POM121L2: variants seen among roughly 807,000 people sequenced by gnomAD.
POM121L2 encodes POM121-like protein 2.
For synonymous variants in POM121L2, 459 were observed against 483.8 expected (o/e 0.95, Z 0.67); for missense variants, 1,167 against 1,260.3 (o/e 0.93, Z 1.12).
Position 27,310,145 on chromosome 6 carries a change from C to T in POM121L2, c.2026G>A (p.Asp676Asn), listed in dbSNP as rs900745135. 89 of 1,551,850 alleles carry T rather than the reference C, an allele frequency of 5.7e-5. No homozygotes were observed. The highest frequency in any genetic ancestry group is 3.3e-4 in the Middle Eastern group (2 of 5,992). The change falls in exon 1 of 1, where the codon GAC becomes AAC. Residue 676 changes from aspartate to asparagine, a missense_variant. Physicochemically the swap from Asp to Asn is conservative, Grantham distance 23. Transcript: ENST00000444565. ...ATGAATCCTGTGGCTGGGGTGAAGT[C>T]GGCCCTGAAGGCCTGAGCAGTCCCA... ...LLGTAQAFRA[D>N]FTPATGFIFP...
At position 27,310,390 on chromosome 6, in the gene POM121L2, G is replaced by A; in HGVS notation, c.1781C>T (p.Ala594Val). ...AGGGGTCTGCTTGGAGGAGAAAGGA[G>A]CTATCATGGGCGTAGTTTTAAGTGG... ...IDPLKTTPMI[A>V]PFSSKQTPPP... The change falls in exon 1 of 1, where the codon GCT becomes GTT. Residue 594 changes from alanine to valine, a missense_variant. Physicochemically the swap from Ala to Val is moderately conservative, Grantham distance 64. Coordinates refer to ENST00000444565, the MANE Select transcript of POM121L2 (RefSeq NM_033482.4). The A allele has an allele frequency of 2.6e-6, 4 of 1,552,132 alleles. No homozygotes were observed. Among genetic ancestry groups the A allele is most frequent in the Non-Finnish European group, 3.5e-6 (4 of 1,147,088 alleles).
rs1760719164 is a variant in POM121L2 at position 27,309,810 on chromosome 6, G to A, written c.2361C>T (p.Ser787=). Residue 787 remains serine, a synonymous_variant, in exon 1 of 1, where the codon TCC becomes TCT. Transcript: ENST00000444565. ...TGACACTTGGCATAAGGGCTGGCTG[G>A]GAAGGCCCTTGTTTCTGTCCATTTG... ...GATNGQKQGP[S]QPALMPSVSS... is the part of the protein sequence containing the mutation. The A allele has an allele frequency of 6.4e-7, 1 of 1,551,630 alleles. No individual in the cohort carries two copies. The highest frequency in any genetic ancestry group is 1.4e-5 in the African/African-American group (1 of 73,056).
Position 27,311,228 on chromosome 6 carries a change from C to T in POM121L2, c.943G>A (p.Gly315Arg). The T allele has an allele frequency of 6.4e-7, 1 of 1,551,850 alleles. No homozygotes were observed. The highest frequency in any genetic ancestry group is 2.0e-5 in the Admixed American group (1 of 50,996). ...FESLGGSESS[G>R]QQNQKIPQLP... ...TGTGGAATCTTCTGGTTTTGCTGCC[C>T]AGAACTTTCAGATCCTCCTAGGGAC... The change falls in exon 1 of 1, where the codon GGG becomes AGG. Residue 315 changes from glycine (G) to arginine (R), a missense_variant. Coordinates refer to ENST00000444565, the MANE Select transcript of POM121L2 (RefSeq NM_033482.4).
upstream of POM121L2, chr6:27,312,110 CG>C (rs1760756322): frequency 6.8e-7 from 1 of 1,472,702 alleles, no homozygotes; most frequent in African/African-American, 1.4e-5. The surrounding 1 kb of genome is among the most constrained non-coding windows in gnomAD (Gnocchi z 6.7). Context: ...TCGGGCAAGT[CG>C]GTGCGCACCT....
In POM121L2 at chr6:27,311,907, G is replaced by A; in HGVS notation, c.264C>T (p.Pro88=). 1.3e-6 allele frequency: 2 copies of A among 1,551,704 alleles called. No individual in the cohort carries two copies. Among genetic ancestry groups the A allele is most frequent in the Non-Finnish European group, 1.7e-6 (2 of 1,147,010 alleles). ...RFPMKKSQNS[P]LGPLPSDWWE... The stretch of plus-strand genomic sequence containing the variant: ...ACCAGTCTGAAGGGAGAGGCCCCAG[G>A]GGGGAATTCTGGGACTTCTTCATGG... The change falls in exon 1 of 1, where the codon CCC becomes CCT. Residue 88 remains proline, a synonymous_variant. Coordinates refer to ENST00000444565, the MANE Select transcript of POM121L2 (RefSeq NM_033482.4).
At position 27,311,074 on chromosome 6, in the gene POM121L2, T is replaced by A; in HGVS notation, c.1097A>T (p.Asp366Val). The A allele has an allele frequency of 6.4e-7, 1 of 1,551,978 alleles. No homozygotes were observed. The change falls in exon 1 of 1, where the codon GAT becomes GTT. Residue 366 changes from aspartate (D) to valine (V), a missense_variant. Asp to Val is a radical substitution (Grantham distance 152, BLOSUM62 -3). Transcript: ENST00000444565. ...AGGGTCTGTGTTGACCTCAGTTGTA[T>A]CTTCTCCTGCGTTGTTGCTTACCTG... ...ELQVSNNAGE[D>V]TTEVNTDPFP...
In POM121L2 at chr6:27,309,082, T is replaced by A; in HGVS notation, c.3089A>T (p.His1030Leu). The A allele has an allele frequency of 5.8e-6, 9 of 1,551,144 alleles. No homozygotes were observed. The highest frequency in any genetic ancestry group is 7.8e-6 in the Non-Finnish European group (9 of 1,146,506). The change falls in exon 1 of 1, where the codon CAT becomes CTT. Residue 1030 changes from histidine (H) to leucine (L), a missense_variant. By Grantham distance (99) the His-to-Leu change is moderately conservative (BLOSUM62 -3). Coordinates refer to ENST00000444565, the MANE Select transcript of POM121L2 (RefSeq NM_033482.4). Reference protein sequence around the residue: ...KNREKGHSRRHHAYKK With the variant: ...KNREKGHSRRLHAYKK The stretch of plus-strand genomic sequence containing the variant: ...CACAGGCTACTTCTTGTAGGCATGA[T>A]GCCTTCGGGAATGCCCTTTCTCCCG...
At position 27,309,723 on chromosome 6, in the gene POM121L2, A is replaced by C; in HGVS notation, c.2448T>G (p.Ala816=). 6.4e-7 allele frequency: 1 copy of C among 1,551,720 alleles called. No individual in the cohort carries two copies. The highest frequency in any genetic ancestry group is 8.7e-7 in the Non-Finnish European group (1 of 1,146,998). Residue 816 remains alanine, a synonymous_variant, in exon 1 of 1, where the codon GCT becomes GCG. Transcript: ENST00000444565. ...GTGTGGTACTAATGAAGGCTGGCTG[A>C]GCTGGAGTTGGCATGGGGGTTGGCA... is the stretch of plus-strand genomic sequence containing the variant. The part of the protein sequence containing the change: ...VALPTPMPTP[A]QPAFISTTQS...
chr6:27,310,415 G>C lies in POM121L2; in HGVS notation c.1756C>G (p.Pro586Ala). Residue 586 changes from proline (P) to alanine (A), a missense_variant, in exon 1 of 1, where the codon CCA becomes GCA. By Grantham distance (27) the Pro-to-Ala change is conservative. Transcript: ENST00000444565. ...TFKPIFGSID[P>A]LKTTPMIAPF... ...GCTATCATGGGCGTAGTTTTAAGTG[G>C]ATCTATGCTGCCAAAGATAGGCTTG... 1 of 1,552,192 alleles carries C rather than the reference G, an allele frequency of 6.4e-7. No individual in the cohort carries two copies. The highest frequency in any genetic ancestry group is 8.7e-7 in the Non-Finnish European group (1 of 1,147,106).
Position 27,310,834 on chromosome 6 carries a change from C to A in POM121L2, c.1337G>T (p.Cys446Phe). Residue 446 changes from cysteine to phenylalanine, a missense_variant, in exon 1 of 1, where the codon TGC becomes TTC. By Grantham distance (205) the Cys-to-Phe change is radical (BLOSUM62 -2). Transcript: ENST00000444565. Reference sequence around the variant, plus strand: ...GCCTGGAAGGAGCTCTGACTGTGAGCACCCAGGTGGGGTCGGTAGGCTGGG... The same window carrying A: ...GCCTGGAAGGAGCTCTGACTGTGAGAACCCAGGTGGGGTCGGTAGGCTGGG... ...KTPSLPTPPG[C>F]SQSELLPGTS... The A allele has an allele frequency of 1.9e-6, 3 of 1,551,632 alleles. No homozygotes were observed. Among genetic ancestry groups the A allele is most frequent in the Non-Finnish European group, 2.6e-6 (3 of 1,146,962 alleles).
chr6:27,311,334 G>C lies in POM121L2; in HGVS notation c.837C>G (p.Phe279Leu), dbSNP rs997077310. 1.3e-6 allele frequency: 2 copies of C among 1,551,526 alleles called. No individual in the cohort carries two copies. Among genetic ancestry groups the C allele is most frequent in the Non-Finnish European group, 1.7e-6 (2 of 1,147,002 alleles). ...PWKRSVPSVS[F>L]ETPEWPIKKE... ...TTTTTATTGGCCACTCTGGTGTCTC[G>C]AATGATACACTGGGAACACTTCTCT... The change falls in exon 1 of 1, where the codon TTC becomes TTG. Residue 279 changes from phenylalanine (F) to leucine (L), a missense_variant. Transcript: ENST00000444565.
At position 27,311,796 on chromosome 6, in the gene POM121L2, A is replaced by T. The variant is rs1364579853; in HGVS notation, c.375T>A (p.Pro125=). ...WSPVTIRITP[P]DQRVPPSTSP... Reference sequence around the variant, plus strand: ...AAGTGGAAGGGGGCACTCTCTGGTCAGGAGGAGTGATCCTGATGGTCACTG... The same window carrying T: ...AAGTGGAAGGGGGCACTCTCTGGTCTGGAGGAGTGATCCTGATGGTCACTG... The change falls in exon 1 of 1, where the codon CCT becomes CCA. Residue 125 remains proline, a synonymous_variant. Transcript: ENST00000444565. 6.4e-7 allele frequency: 1 copy of T among 1,551,796 alleles called. No individual in the cohort carries two copies. The highest frequency in any genetic ancestry group is 8.7e-7 in the Non-Finnish European group (1 of 1,147,014).
At position 27,310,417 on chromosome 6, in the gene POM121L2, T is replaced by A; in HGVS notation, c.1754A>T (p.Asp585Val). ...PTFKPIFGSI[D>V]PLKTTPMIAP... ...TATCATGGGCGTAGTTTTAAGTGGATCTATGCTGCCAAAGATAGGCTTGAA... is the reference window on the plus strand; with the variant it reads ...TATCATGGGCGTAGTTTTAAGTGGAACTATGCTGCCAAAGATAGGCTTGAA... Residue 585 changes from aspartate (D) to valine (V), a missense_variant, in exon 1 of 1, where the codon GAT (aspartate) becomes GTT (valine). Physicochemically the swap from Asp to Val is radical, Grantham distance 152. Coordinates refer to ENST00000444565, the MANE Select transcript of POM121L2 (RefSeq NM_033482.4). 1 of 1,552,152 alleles carries A rather than the reference T, an allele frequency of 6.4e-7. No homozygotes were observed. Among genetic ancestry groups the A allele is most frequent in the Non-Finnish European group, 8.7e-7 (1 of 1,147,102 alleles).
In POM121L2 at chr6:27,311,390, T is replaced by C; in HGVS notation, c.781A>G (p.Ser261Gly). The stretch of plus-strand genomic sequence containing the variant: ...GGGTCTGAGAAATTTCTGCAAGAGC[T>C]GTAAGAGCTGCCAATAGCATTCCTT... ...SKRNAIGSSY[S>G]SCRNFSDPWK... The change falls in exon 1 of 1, where the codon AGC becomes GGC. Residue 261 changes from serine to glycine, a missense_variant. Physicochemically the swap from Ser to Gly is moderately conservative, Grantham distance 56 (BLOSUM62 0). Coordinates refer to ENST00000444565, the MANE Select transcript of POM121L2 (RefSeq NM_033482.4). The C allele has an allele frequency of 1.3e-6, 2 of 1,551,674 alleles. No individual in the cohort carries two copies. Among genetic ancestry groups the C allele is most frequent in the Non-Finnish European group, 1.7e-6 (2 of 1,146,936 alleles).
At position 27,311,932 on chromosome 6, in the gene POM121L2, G is replaced by C. The variant is rs996532651; in HGVS notation, c.239C>G (p.Pro80Arg). ...GGGGGAATTCTGGGACTTCTTCATG[G>C]GAAAGCGCCTCCAGGCCTCGTTGGC... ...WLANEAWRRFPMKKSQNSPLG... is the reference protein window; with the variant it reads ...WLANEAWRRFRMKKSQNSPLG... Residue 80 changes from proline (P) to arginine (R), a missense_variant, in exon 1 of 1, where the codon CCC becomes CGC. Physicochemically the swap from Pro to Arg is moderately radical, Grantham distance 103. Coordinates refer to ENST00000444565, the MANE Select transcript of POM121L2 (RefSeq NM_033482.4). 3 of 1,551,708 alleles carry C rather than the reference G, an allele frequency of 1.9e-6. No homozygotes were observed. In the African/African-American group the frequency reaches 4.1e-5, roughly 21 times the overall value.
chr6:27,310,915 G>A lies in POM121L2; in HGVS notation c.1256C>T (p.Ala419Val), dbSNP rs1400204950. 1 of 1,551,870 alleles carries A rather than the reference G, an allele frequency of 6.4e-7. No homozygotes were observed. Among genetic ancestry groups the A allele is most frequent in the Non-Finnish European group, 8.7e-7 (1 of 1,147,028 alleles). ...RKMQKSLGPL[A>V]SPQSTGEATS... ...TGCCTCTCCCGTGGACTGTGGAGAG[G>A]CCAGTGGACCTAGAGACTTCTGCAT... The change falls in exon 1 of 1, where the codon GCC (alanine) becomes GTC (valine). Residue 419 changes from alanine to valine, a missense_variant. Physicochemically the swap from Ala to Val is moderately conservative, Grantham distance 64. Coordinates refer to ENST00000444565, the MANE Select transcript of POM121L2 (RefSeq NM_033482.4).
chr6:27,308,505 T>C lies in POM121L2; in HGVS notation c.*558A>G, dbSNP rs1483300740. Among the ~76,000 whole-genome samples, 6 of 152,204 alleles carry C rather than the reference T, an allele frequency of 3.9e-5. No homozygotes were observed. Among genetic ancestry groups the C allele is most frequent in the African/African-American group, 1.4e-4 (6 of 41,448 alleles). On this transcript the variant is annotated 3_prime_UTR_variant, in exon 1 of 1. Coordinates refer to ENST00000444565, the MANE Select transcript of POM121L2 (RefSeq NM_033482.4). ...AACTGAACACAATTAAAAATGGATTTTTAATCAGCAATAAAAGAAATAAAT... is the reference window on the plus strand; with the variant it reads ...AACTGAACACAATTAAAAATGGATTCTTAATCAGCAATAAAAGAAATAAAT...
chr6:27,308,925 T>C lies in POM121L2; in HGVS notation c.*138A>G. 1 of 723,016 alleles carries C rather than the reference T, an allele frequency of 1.4e-6. No homozygotes were observed. The highest frequency in any genetic ancestry group is 2.3e-6 in the Non-Finnish European group (1 of 442,572). The allele number at this position is 723,016 out of a possible 1,614,324, so 44.8% of individuals were successfully genotyped here. On this transcript the variant is annotated 3_prime_UTR_variant, in exon 1 of 1. Transcript: ENST00000444565. ...CCTTCACTTTCGTCAAGGATGTAGA[T>C]TAGGACACACAGTGTGAACATCTAA...
Position 27,310,745 on chromosome 6 carries a change from G to A in POM121L2, c.1426C>T (p.Pro476Ser), listed in dbSNP as rs1760734095. Residue 476 changes from proline to serine, a missense_variant, in exon 1 of 1, where the codon CCA (proline) becomes TCA (serine). Pro to Ser is a moderately conservative substitution (Grantham distance 74, BLOSUM62 -1). Transcript: ENST00000444565. ...GGCGGCCAGGTGGTGTCAGTAACTG[G>A]TAATGTGGGAGAGGTGGGGGTCAGC... ...ILLTPTSPTLPVTDTTWPPST... is the reference protein window; with the variant it reads ...ILLTPTSPTLSVTDTTWPPST... 1.3e-6 allele frequency: 2 copies of A among 1,551,832 alleles called. No homozygotes were observed. Among genetic ancestry groups the A allele is most frequent in the African/African-American group, 1.4e-5 (1 of 73,034 alleles).
Sources: allele counts gnomAD v4.1 joint callset (sites outside exome capture counted in the v4.1 genomes callset), GRCh38; gene constraint gnomAD v4.1.1; non-coding constraint Gnocchi (gnomAD v3.1); transcripts MANE v1.5; gene names NCBI Gene and HGNC (gene_info 2026-07-23, HGNC 2026-07-21).